The following FAM185A variants were observed in gnomAD, a reference collection of about 807,000 sequenced individuals.
FAM185A encodes family with sequence similarity 185 member A, also known as protein FAM185A.
FAM185A carries 21 observed loss-of-function variants against 45.7 expected under a neutral mutation model. The observed-to-expected ratio is 0.46, with a 90% confidence interval of 0.33 to 0.66. The LOEUF is 0.66. FAM185A is among the 30% of genes least tolerant of loss of function. The pLI, the probability that FAM185A is intolerant of heterozygous loss-of-function variation, is 0.03. For missense variants in FAM185A, 305 were observed against 485.4 expected (o/e 0.63, Z 3.49); for synonymous variants, 117 against 194.0 (o/e 0.60, Z 3.30).
intron 2 of FAM185A, chr7:102,756,018 T>G (rs1393424180): frequency 1.1e-5 from 4 of 350,078 alleles, no homozygotes; most frequent in Non-Finnish European, 2.1e-5. Context: ...GTGGATAGTC[T>G]TTTCAAAGGT....
the FAM185A span, among the ~76,000 whole-genome samples, chr7:102,835,312 ATC>A: frequency 0.13 from 19,734 of 152,112 alleles, 1,347 homozygotes; most frequent in Middle Eastern, 0.25. Context: ...ACTGGAGATA[ATC>A]AAGCATAGTG....
the FAM185A span, chr7:102,814,564 C>G: frequency 2.0e-5 from 3 of 152,182 alleles, no homozygotes; most frequent in South Asian, 4.1e-4. Flanking sequence ...AGGGAGGTAA[C>G]CAAAGCATTC....
intron 7 of FAM185A, among the ~76,000 whole-genome samples, chr7:102,802,360 A>C (rs1248312661): frequency 6.6e-6 from 1 of 152,228 alleles, no homozygotes; most frequent in East Asian, 1.9e-4. Flanking sequence ...CCACAGTGGA[A>C]TAAAACTGGA....
At chr7:102,843,871 A>T in the FAM185A span, among the ~76,000 whole-genome samples, 1 of 152,208 alleles carries the variant, frequency 6.6e-6, no homozygotes, top group African/African-American at 2.4e-5. Flanking sequence ...TGAAGAGGAC[A>T]ATGAGAGAAG....
intron 2 of FAM185A, among the ~76,000 whole-genome samples, chr7:102,757,322 G>A (rs1037597703): frequency 8.5e-5 from 13 of 152,058 alleles, no homozygotes; most frequent in African/African-American, 3.1e-4. Flanking sequence ...GTTTTTTTCT[G>A]TGTCACCCTG....
chr7:102,804,714 A>G (rs1289685900), intron 7 of FAM185A, among the ~76,000 whole-genome samples: 1 of 151,844 alleles, frequency 6.6e-6, no homozygotes, highest in African/African-American at 2.4e-5. Context: ...GCTTTTGTAC[A>G]GCAAAAGGAT....
the FAM185A span, among the ~76,000 whole-genome samples, chr7:102,843,438 C>A: frequency 6.6e-6 from 1 of 151,426 alleles, no homozygotes; most frequent in Non-Finnish European, 1.5e-5. Context: ...AACTCCATCT[C>A]AAAAACAAAA....
the FAM185A span, among the ~76,000 whole-genome samples, chr7:102,841,819 C>G: frequency 6.6e-6 from 1 of 152,130 alleles, no homozygotes; most frequent in Non-Finnish European, 1.5e-5. Flanking sequence ...GTATGTTGTT[C>G]TATTATAAAG....
At chr7:102,783,332 A>G (rs1795540815) in intron 6 of FAM185A, among the ~76,000 whole-genome samples, 1 of 152,264 alleles carries the variant, frequency 6.6e-6, no homozygotes, top group African/African-American at 2.4e-5. Flanking sequence ...TCCACCCCAA[A>G]TCAACAGAAT....
the FAM185A span, among the ~76,000 whole-genome samples, chr7:102,846,734 AGTG>A: frequency 9.2e-5 from 2 of 21,850 alleles, no homozygotes; most frequent in African/African-American, 3.3e-4. Flanking sequence ...ATAATACCCC[AGTG>A]TTGTACTAAG....
At chr7:102,843,349 A>G in the FAM185A span, among the ~76,000 whole-genome samples, 9 of 152,192 alleles carry the variant, frequency 5.9e-5, no homozygotes, top group African/African-American at 2.2e-4. Flanking sequence ...AAGCTGAAGC[A>G]GGAGAATCAC....
chr7:102,816,588 T>C, the FAM185A span, among the ~76,000 whole-genome samples: 2 of 152,200 alleles, frequency 1.3e-5, no homozygotes, highest in African/African-American at 4.8e-5. Context: ...TAGCATCCTA[T>C]GTAGCTGTGT....
the FAM185A span, among the ~76,000 whole-genome samples, chr7:102,844,979 T>C: frequency 6.6e-6 from 1 of 152,076 alleles, no homozygotes; most frequent in Non-Finnish European, 1.5e-5. Flanking sequence ...GGTGTAGAGG[T>C]CCTGAGTGCA....
intron 5 of FAM185A, 44 bp from the exon 6 acceptor site, chr7:102,777,209 A>G: frequency 6.5e-7 from 1 of 1,548,100 alleles, no homozygotes; most frequent in Non-Finnish European, 8.7e-7. Context: ...AATTCCATTT[A>G]TCAAGTAAGA....
chr7:102,813,366 G>C, downstream of FAM185A: 1 of 1,613,688 alleles, frequency 6.2e-7, no homozygotes, highest in East Asian at 2.2e-5. Context: ...CTTCACTGCT[G>C]TATGTTGACT....
intron 6 of FAM185A, among the ~76,000 whole-genome samples, chr7:102,777,854 A>G (rs1331604425): frequency 2.6e-5 from 4 of 152,098 alleles, no homozygotes; most frequent in Admixed American, 6.5e-5. Flanking sequence ...ATATGTCTCT[A>G]TCATTTAACT....
At chr7:102,793,248 A>G (rs1356325019) in intron 7 of FAM185A, among the ~76,000 whole-genome samples, 3 of 151,824 alleles carry the variant, frequency 2.0e-5, no homozygotes, top group Admixed American at 6.6e-5. Context: ...GTCTCTCTCT[A>G]TCACCCAGGC....
chr7:102,749,650 T>C lies in FAM185A; in HGVS notation c.443T>C (p.Leu148Pro). ...PQASVEVNAP[L>P]KFGLDIKSSG... ...GCGTCCGTGGAGGTGAACGCGCCCC[T>C]GAAGTTTGGCAAGTGAAGTGAAGTG... The change falls in exon 1 of 8, where the codon CTG (leucine) becomes CCG (proline). Residue 148 changes from leucine (L) to proline (P), a missense_variant. Physicochemically the swap from Leu to Pro is moderately conservative, Grantham distance 98 (BLOSUM62 -3). Coordinates refer to ENST00000413034, the MANE Select transcript of FAM185A (RefSeq NM_001145268.2). The C allele has an allele frequency of 1.4e-6, 2 of 1,472,288 alleles. No individual in the cohort carries two copies. Among genetic ancestry groups the C allele is most frequent in the South Asian group, 1.4e-5 (1 of 69,454 alleles). The allele number at this position is 1,472,288 out of a possible 1,614,324, so 91.2% of individuals were successfully genotyped here.
At chr7:102,789,221 G>T (rs1353783933) in intron 7 of FAM185A, among the ~76,000 whole-genome samples, 3 of 152,140 alleles carry the variant, frequency 2.0e-5, no homozygotes, top group African/African-American at 7.2e-5. Flanking sequence ...GGGCTCAAGT[G>T]ATCCTTCTGC....
Sources: gnomAD v4.1 joint callset for allele counts (sites outside exome capture counted in the v4.1 genomes callset) on GRCh38, gnomAD v4.1.1 for gene constraint, MANE v1.5 for transcripts, NCBI Gene and HGNC (gene_info 2026-07-23, HGNC 2026-07-21) for gene names.